SNX13: variants seen among roughly 807,000 people sequenced by gnomAD.
SNX13 encodes the protein sorting nexin-13.
A neutral mutation model predicts 133.6 loss-of-function variants in SNX13; 45 were observed. The observed-to-expected ratio is 0.34, with a 90% CI of 0.27 to 0.43. SNX13 has a LOEUF of 0.43. SNX13 is among the 20% of genes least tolerant of loss of function. The probability of loss-of-function intolerance (pLI) is 1.00; values close to 1 mark genes in which losing one functional copy is unlikely to be tolerated. For synonymous variants in SNX13, 414 were observed against 373.9 expected (o/e 1.11, Z -1.24); for missense variants, 1,032 against 1,145.1 (o/e 0.90, Z 1.43).
Position 17,799,017 on chromosome 7 carries a change from A to G in SNX13, c.2436T>C (p.Thr812=). The part of the protein sequence containing the change: ...QQLIRATYGD[T]INRKIVDHVD... ...GGAGGAAAGAGTGCTACCTATTAATAGTATCGCCATATGTAGCTCTAATAA... is the reference window on the plus strand; with the variant it reads ...GGAGGAAAGAGTGCTACCTATTAATGGTATCGCCATATGTAGCTCTAATAA... Residue 812 remains threonine (T), a synonymous_variant, in exon 23 of 26, where the codon ACT becomes ACC. Transcript: ENST00000428135. The G allele has an allele frequency of 1.2e-6, 2 of 1,609,158 alleles. No homozygotes were observed. The highest frequency in any genetic ancestry group is 1.7e-6 in the Non-Finnish European group (2 of 1,177,338).
intron 20 of SNX13, among the ~76,000 whole-genome samples, chr7:17,807,145 C>T (rs1785401171): frequency 6.6e-6 from 1 of 152,064 alleles, no homozygotes; most frequent in African/African-American, 2.4e-5. Flanking sequence ...AGCCAGGAAG[C>T]CAAGTGGTCT....
intron 21 of SNX13, among the ~76,000 whole-genome samples, chr7:17,801,969 C>G (rs1477738422): frequency 6.6e-6 from 1 of 152,020 alleles, no homozygotes; most frequent in East Asian, 1.9e-4. Flanking sequence ...AAAAGTCATG[C>G]ATCGCATAAT....
chr7:17,849,533 G>A (rs1790953233), intron 11 of SNX13, among the ~76,000 whole-genome samples: 1 of 151,734 alleles, frequency 6.6e-6, no homozygotes, highest in African/African-American at 2.4e-5. Flanking sequence ...CACTTGTCAG[G>A]GCAAATCTCC....
chr7:17,800,822 A>G (rs1275239561), intron 22 of SNX13, among the ~76,000 whole-genome samples: 2 of 151,502 alleles, frequency 1.3e-5, no homozygotes, highest in East Asian at 3.9e-4. Context: ...GGTGTGTAAC[A>G]TTTCAACAGT....
At chr7:17,841,820 G>A (rs1005103463) in intron 12 of SNX13, among the ~76,000 whole-genome samples, 3 of 151,832 alleles carry the variant, frequency 2.0e-5, no homozygotes, top group Non-Finnish European at 4.4e-5. Context: ...AGAAAACCTA[G>A]AAGAAACCAA....
intron 25 of SNX13, 48 bp downstream of exon 25, chr7:17,796,779 A>G (rs999142196): frequency 1.4e-6 from 2 of 1,393,324 alleles, no homozygotes; most frequent in Non-Finnish European, 2.0e-6. Context: ...CTAAAAACTC[A>G]GAAGAATGAC....
rs201427651 is a variant in SNX13 at position 17,926,231 on chromosome 7, A to AT, written c.12+14052dup. 1.4e-3 allele frequency among the ~76,000 whole-genome samples: 220 copies of AT among 152,086 alleles called. 1 individual carries two copies. The East Asian group carries it at 0.016, about 11-fold the overall frequency. On this transcript the variant is annotated intron_variant, in intron 1 of 25. Transcript: ENST00000428135. The stretch of plus-strand genomic sequence containing the variant: ...CTGTATAACGGGTGCTAGTGACAGT[A>AT]TTTTTTTTCAGGGTTTCTGTATGTT...
chr7:17,922,997 G>T (rs1800300998), intron 1 of SNX13, among the ~76,000 whole-genome samples: 1 of 152,158 alleles, frequency 6.6e-6, no homozygotes, highest in African/African-American at 2.4e-5. Context: ...ACAAAAAAAT[G>T]CATTGCAAAT....
intron 22 of SNX13, among the ~76,000 whole-genome samples, chr7:17,800,069 C>G (rs1784452957): frequency 6.6e-6 from 1 of 151,612 alleles, no homozygotes; most frequent in South Asian, 2.1e-4. Context: ...GAGAGGGAGA[C>G]CCATTTCATT....
At chr7:17,901,031 C>T (rs1797776953) in intron 1 of SNX13, among the ~76,000 whole-genome samples, 1 of 152,094 alleles carries the variant, frequency 6.6e-6, no homozygotes, top group South Asian at 2.1e-4. Flanking sequence ...AGTCAGCAGG[C>T]AATCAATCTT....
chr7:17,924,563 C>T (rs1021022280), intron 1 of SNX13, among the ~76,000 whole-genome samples: 1 of 152,106 alleles, frequency 6.6e-6, no homozygotes, highest in African/African-American at 2.4e-5. Flanking sequence ...TGCAGTTTCT[C>T]AAAAGGTTAA....
At chr7:17,921,734 G>A (rs1800150333) in intron 1 of SNX13, among the ~76,000 whole-genome samples, 1 of 152,196 alleles carries the variant, frequency 6.6e-6, no homozygotes, top group African/African-American at 2.4e-5. Context: ...CTAGGTATGT[G>A]AGCCATGCAT....
At chr7:17,827,628 C>G (rs896045922) in intron 16 of SNX13, among the ~76,000 whole-genome samples, 1 of 151,906 alleles carries the variant, frequency 6.6e-6, no homozygotes, top group African/African-American at 2.4e-5. Flanking sequence ...TAAATTAGAT[C>G]TAGTCCATGC....
chr7:17,805,204 T>C (rs959788834), intron 20 of SNX13, among the ~76,000 whole-genome samples: 6 of 144,358 alleles, frequency 4.2e-5, no homozygotes, highest in African/African-American at 1.6e-4. Context: ...GTTTGGCTAA[T>C]GATTCTTTGT....
intron 15 of SNX13, chr7:17,831,555 T>C (rs1788489663): frequency 1.0e-6 from 1 of 984,126 alleles, no homozygotes; most frequent in Non-Finnish European, 1.2e-6. Flanking sequence ...AAATTTCTAC[T>C]CAAGCAAAGA....
chr7:17,875,366 T>C (rs572962868), intron 7 of SNX13, 114 bp downstream of exon 7: 34 of 712,204 alleles, frequency 4.8e-5, no homozygotes, highest in Non-Finnish European at 7.8e-5. Context: ...ATAGCATCTT[T>C]ACTATGCTAC....
intron 9 of SNX13, among the ~76,000 whole-genome samples, chr7:17,865,432 A>C (rs904673695): frequency 2.6e-5 from 4 of 152,218 alleles, no homozygotes; most frequent in Non-Finnish European, 5.9e-5. Flanking sequence ...AAGGAAGTAA[A>C]AGATGTCTAC....
In SNX13 at chr7:17,831,682, A is replaced by C. The variant is rs1238668838; in HGVS notation, c.1598-1635T>G. 7.1e-6 allele frequency: 7 copies of C among 984,104 alleles called. No individual in the cohort carries two copies. In the African/African-American group the frequency reaches 1.2e-4, roughly 17 times the overall value. The allele number at this position is 984,104 out of a possible 1,614,324, so 61.0% of individuals were successfully genotyped here. A position where few individuals can be genotyped will look rare whatever the true frequency, so the allele number is the denominator to read the frequency against. The stretch of plus-strand genomic sequence containing the variant: ...TGTACATTAATCCCTAGGTTAGATA[A>C]TTATTTCAGAATGTCTAAAAGGTGG... On this transcript the variant is annotated intron_variant, in intron 15 of 25. Transcript: ENST00000428135.
chr7:17,807,414 C>T (rs542349192), intron 20 of SNX13, among the ~76,000 whole-genome samples: 1 of 152,300 alleles, frequency 6.6e-6, no homozygotes, highest in South Asian at 2.1e-4. Flanking sequence ...TGTAGCCACA[C>T]TGCCTCACTA....
Sources: allele counts gnomAD v4.1 joint callset (sites outside exome capture counted in the v4.1 genomes callset), GRCh38; gene constraint gnomAD v4.1.1; transcripts MANE v1.5; gene names NCBI Gene and HGNC (gene_info 2026-07-23, HGNC 2026-07-21).